The following KCNQ3 variants were observed in gnomAD, a reference collection of about 807,000 sequenced individuals.
KCNQ3 encodes potassium voltage-gated channel subfamily Q member 3.
A neutral mutation model predicts 92.5 loss-of-function variants in KCNQ3; 30 were observed. That is an observed-to-expected ratio of 0.32 (90% CI 0.24 to 0.44). The LOEUF (loss-of-function observed/expected upper bound fraction) is 0.44, where lower values mean the gene tolerates loss of function less well. Among genes scored for constraint, KCNQ3 ranks in the 20% least tolerant of loss-of-function variants. The pLI, the probability that KCNQ3 is intolerant of heterozygous loss-of-function variation, is 1.00. For missense variants in KCNQ3, 913 were observed against 1,140.3 expected (o/e 0.80, Z 2.87); for synonymous variants, 450 against 468.8 (o/e 0.96, Z 0.52).
intron 1 of KCNQ3, among the ~76,000 whole-genome samples, chr8:132,247,729 C>CGGA (rs929863590): frequency 6.6e-6 from 1 of 150,974 alleles, no homozygotes; most frequent in African/African-American, 2.4e-5. Flanking sequence ...ACCCAGGAGG[C>CGGA]GGAGGATGCA....
At position 132,454,671 on chromosome 8, in the gene KCNQ3, G is replaced by T. The variant is rs1821899336; in HGVS notation, c.386+25476C>A. Reference sequence around the variant, plus strand: ...GACTGACCACCATGGAGCAGCAGATGAAATGGGCTTGAGGAGCCAGAGAAA... The same window carrying T: ...GACTGACCACCATGGAGCAGCAGATTAAATGGGCTTGAGGAGCCAGAGAAA... On this transcript the variant is annotated intron_variant, in intron 1 of 14. Transcript: ENST00000388996. 2.0e-5 allele frequency among the ~76,000 whole-genome samples: 3 copies of T among 152,154 alleles called. No homozygotes were observed. The South Asian group carries it at 6.2e-4, about 32-fold the overall frequency.
intron 1 of KCNQ3, among the ~76,000 whole-genome samples, chr8:132,420,298 C>T (rs1407608428): frequency 3.3e-5 from 5 of 152,150 alleles, no homozygotes; most frequent in Non-Finnish European, 7.3e-5. Flanking sequence ...TGGAGGGATG[C>T]ATTCAGTCCA....
chr8:132,338,413 T>C (rs1178183866), intron 1 of KCNQ3, among the ~76,000 whole-genome samples: 3 of 152,246 alleles, frequency 2.0e-5, no homozygotes, highest in Non-Finnish European at 4.4e-5. Flanking sequence ...ATAAGCTCCA[T>C]GTCCTCTCTG....
intron 3 of KCNQ3, 77 bp from the exon 4 acceptor site, chr8:132,180,406 G>C: frequency 6.6e-7 from 1 of 1,522,578 alleles, no homozygotes; most frequent in South Asian, 1.1e-5. Context: ...CATCATAGGT[G>C]CTGTTTGCTG....
chr8:132,312,824 C>A (rs1355649950), intron 1 of KCNQ3, among the ~76,000 whole-genome samples: 1 of 152,184 alleles, frequency 6.6e-6, no homozygotes, highest in East Asian at 1.9e-4. Flanking sequence ...GAGGTCTCTC[C>A]AGCCATGTGG....
chr8:132,136,209 A>G (rs139273468), intron 12 of KCNQ3, among the ~76,000 whole-genome samples: 2 of 151,268 alleles, frequency 1.3e-5, no homozygotes, highest in Non-Finnish European at 2.9e-5. Flanking sequence ...TTAACTTCCA[A>G]CCCAGTCAGT....
intron 1 of KCNQ3, among the ~76,000 whole-genome samples, chr8:132,422,736 T>C (rs764498856): frequency 9.9e-5 from 15 of 152,194 alleles, no homozygotes; most frequent in South Asian, 2.1e-4. Flanking sequence ...TCCTAATGCA[T>C]AATTATTTGT....
At chr8:132,457,985 A>T (rs1587040724) in intron 1 of KCNQ3, among the ~76,000 whole-genome samples, 1 of 152,022 alleles carries the variant, frequency 6.6e-6, no homozygotes, top group Non-Finnish European at 1.5e-5. Context: ...GAGCATGTCC[A>T]CCTCCTGTCC....
intron 1 of KCNQ3, among the ~76,000 whole-genome samples, chr8:132,230,919 T>C (rs1353209068): frequency 1.3e-5 from 2 of 152,188 alleles, no homozygotes; most frequent in Non-Finnish European, 2.9e-5. Context: ...TGTGAGGTTG[T>C]TTGGAAACAG....
chr8:132,152,575 G>A (rs185380520), intron 9 of KCNQ3, among the ~76,000 whole-genome samples: 1 of 152,276 alleles, frequency 6.6e-6, no homozygotes, highest in East Asian at 1.9e-4. Context: ...GACTGGAAGG[G>A]TATTCTTCTC....
intron 1 of KCNQ3, among the ~76,000 whole-genome samples, chr8:132,442,759 G>A (rs1821571093): frequency 1.3e-5 from 2 of 152,212 alleles, no homozygotes; most frequent in Admixed American, 6.5e-5. Flanking sequence ...CACTCCCACA[G>A]TGCTCAAAGC....
At chr8:132,415,111 C>T (rs572286208) in intron 1 of KCNQ3, among the ~76,000 whole-genome samples, 8 of 152,334 alleles carry the variant, frequency 5.3e-5, no homozygotes, top group African/African-American at 1.9e-4. Flanking sequence ...AAAACTATGG[C>T]TGGCAGCCTC....
chr8:132,275,891 A>G (rs1332169299), intron 1 of KCNQ3, among the ~76,000 whole-genome samples: 1 of 152,140 alleles, frequency 6.6e-6, no homozygotes, highest in Non-Finnish European at 1.5e-5. Flanking sequence ...AACCTTCTAC[A>G]TGTGCACTCA....
At chr8:132,214,211 T>C (rs763309906) in intron 1 of KCNQ3, among the ~76,000 whole-genome samples, 1 of 152,174 alleles carries the variant, frequency 6.6e-6, no homozygotes, top group Non-Finnish European at 1.5e-5. Flanking sequence ...ATAATTTCCA[T>C]AGGTCTTTTC....
At chr8:132,210,215 C>G (rs1039088135) in intron 1 of KCNQ3, among the ~76,000 whole-genome samples, 4 of 152,168 alleles carry the variant, frequency 2.6e-5, no homozygotes, top group Admixed American at 2.6e-4. Flanking sequence ...ATGTGATAGT[C>G]ATGTGCAGTC....
At chr8:132,270,023 A>G (rs1264027641) in intron 1 of KCNQ3, among the ~76,000 whole-genome samples, 2 of 152,166 alleles carry the variant, frequency 1.3e-5, no homozygotes, top group African/African-American at 4.8e-5. Context: ...ATTGTTGAGT[A>G]GTTTTCAAGT....
intron 1 of KCNQ3, among the ~76,000 whole-genome samples, chr8:132,394,712 C>A (rs973634485): frequency 6.6e-6 from 1 of 152,064 alleles, no homozygotes; most frequent in East Asian, 1.9e-4. Context: ...AAGGACTTCC[C>A]AGATCATGAG....
At chr8:132,261,567 A>T (rs1447979571) in intron 1 of KCNQ3, among the ~76,000 whole-genome samples, 1 of 152,212 alleles carries the variant, frequency 6.6e-6, no homozygotes, top group Non-Finnish European at 1.5e-5. Flanking sequence ...TGGCTGCAGG[A>T]AAGAGGCAGG....
intron 1 of KCNQ3, among the ~76,000 whole-genome samples, chr8:132,261,824 C>T (rs966517189): frequency 2.6e-5 from 4 of 152,224 alleles, no homozygotes; most frequent in South Asian, 4.2e-4. Flanking sequence ...AAAATTATTG[C>T]GTGTAGTAAC....
Sources: gnomAD v4.1 joint callset for allele counts (sites outside exome capture counted in the v4.1 genomes callset) on GRCh38, gnomAD v4.1.1 for gene constraint, MANE v1.5 for transcripts, NCBI Gene and HGNC (gene_info 2026-07-23, HGNC 2026-07-21) for gene names.